AK2: variants seen among roughly 807,000 people sequenced by gnomAD.
AK2 encodes the protein adenylate kinase 2.
In AK2, 15 loss-of-function variants were observed where a neutral mutation model predicts 24.6. That is an observed-to-expected ratio of 0.61 (90% confidence interval 0.41 to 0.94). AK2 has a LOEUF of 0.94. Ranked by LOEUF, AK2 falls within the 40% of genes least tolerant of loss-of-function variation. The pLI is 0.00. For synonymous variants in AK2, 102 were observed against 114.0 expected, an observed-to-expected ratio of 0.90 and a Z score of 0.67; for missense variants, 257 against 304.1, an observed-to-expected ratio of 0.85 and a Z score of 1.15.
Position 33,010,869 on chromosome 1 carries a change from G to T in AK2, c.*2312C>A, listed in dbSNP as rs1304176672. The T allele has an allele frequency of 2.5e-6, 4 of 1,613,320 alleles. No homozygotes were observed. In the African/African-American group the frequency reaches 5.4e-5, roughly 22 times the overall value. On this transcript the variant is annotated 3_prime_UTR_variant, in exon 6 of 6. Transcript: ENST00000672715. The stretch of plus-strand genomic sequence containing the variant: ...GAGGAAACAAGAGAGAACAAAATGG[G>T]TTTTTAAAAACCAAGTACATATCAG...
intron 1 of AK2, among the ~76,000 whole-genome samples, chr1:33,029,848 T>G (rs115748984): frequency 0.017 from 2,530 of 152,320 alleles, 62 homozygotes; most frequent in African/African-American, 0.058. Flanking sequence ...CTGGCACAAT[T>G]ACCTTTGTGC....
At chr1:33,021,516 C>T in intron 3 of AK2, 55 bp from the exon 4 acceptor site, 2 of 1,605,274 alleles carry the variant, frequency 1.2e-6, no homozygotes, top group Middle Eastern at 1.7e-4. Flanking sequence ...AGACCCATCT[C>T]CTTCAAAGGA....
In AK2 at chr1:33,008,706, G is replaced by C. The variant is rs1638624985; in HGVS notation, c.*4475C>G. 4.4e-6 allele frequency: 2 copies of C among 454,116 alleles called. No individual in the cohort carries two copies. The highest frequency in any genetic ancestry group is 6.9e-4 in the Middle Eastern group (1 of 1,444). 28.1% of individuals were successfully genotyped at this position (454,116 alleles called of 1,614,324 possible). Reference sequence around the variant, plus strand: ...TCCTCACCTATAAAAGTGAAGGACAGTTCTGACTCCACAGGGTGCTGTGTG... The same window carrying C: ...TCCTCACCTATAAAAGTGAAGGACACTTCTGACTCCACAGGGTGCTGTGTG... On this transcript the variant is annotated 3_prime_UTR_variant, in exon 6 of 6. Coordinates refer to ENST00000672715, the MANE Select transcript of AK2 (RefSeq NM_001625.4).
At chr1:33,029,813 G>C (rs1044310532) in intron 1 of AK2, among the ~76,000 whole-genome samples, 1 of 152,148 alleles carries the variant, frequency 6.6e-6, no homozygotes, top group African/African-American at 2.4e-5. Flanking sequence ...GGAGTAGTTG[G>C]GACTATGGGC....
At chr1:33,021,299 C>G in intron 4 of AK2, 68 bp downstream of exon 4, 1 of 1,381,136 alleles carries the variant, frequency 7.2e-7, no homozygotes, top group Non-Finnish European at 1.0e-6. Flanking sequence ...CGGGATTAGG[C>G]AAGAGCAATT....
At chr1:33,028,003 T>C (rs1640006770) in intron 1 of AK2, among the ~76,000 whole-genome samples, 1 of 152,130 alleles carries the variant, frequency 6.6e-6, no homozygotes, top group Admixed American at 6.5e-5. Context: ...TGAGGATAAA[T>C]GAAATAAAGT....
Position 33,036,750 on chromosome 1 carries a change from C to G in AK2, c.79G>C (p.Gly27Arg), listed in dbSNP as rs1310763684. The G allele has an allele frequency of 1.3e-6, 2 of 1,592,060 alleles. No homozygotes were observed. The highest frequency in any genetic ancestry group is 3.5e-5 in the Admixed American group (2 of 57,270). Residue 27 changes from glycine to arginine, a missense_variant, in exon 1 of 6, where the codon GGT (glycine) becomes CGT (arginine). Transcript: ENST00000672715. ...CTGCCGCTCACCTGGGTCCCTTTAC[C>G]GGCCCCGGGAGGCCCCAGCAGCACG... ...RAVLLGPPGA[G>R]KGTQAPRLAE...
At chr1:33,031,932 T>C (rs1640260075) in intron 1 of AK2, 1 of 267,450 alleles carries the variant, frequency 3.7e-6, no homozygotes, top group Non-Finnish European at 7.6e-6. Flanking sequence ...CCAGGTATTA[T>C]AGATGTTTTA....
At chr1:33,018,389 C>T (rs1300528334) in intron 4 of AK2, among the ~76,000 whole-genome samples, 3 of 152,094 alleles carry the variant, frequency 2.0e-5, no homozygotes, top group Non-Finnish European at 2.9e-5. Flanking sequence ...CTGTGACCAA[C>T]CTGGGCAACA....
intron 1 of AK2, among the ~76,000 whole-genome samples, chr1:33,035,000 C>G (rs372805170): frequency 7.9e-5 from 12 of 152,060 alleles, no homozygotes; most frequent in African/African-American, 2.9e-4. Context: ...CCAACCTGGG[C>G]AACAGAGTGA....
rs1468884923 is a variant in AK2 at position 33,021,708 on chromosome 1, A to G, written c.220-5T>C. ...CACTACCATTTCATCACTCACCTGG[A>G]AGTTAGGAACAAAATAGCCTTGGGT... On this transcript the variant is annotated splice_region_variant and splice_polypyrimidine_tract_variant and intron_variant, in intron 2 of 5. Transcript: ENST00000672715. 1.9e-6 allele frequency: 3 copies of G among 1,607,360 alleles called. No individual in the cohort carries two copies. The highest frequency in any genetic ancestry group is 2.6e-6 in the Non-Finnish European group (3 of 1,173,828).
intron 1 of AK2, among the ~76,000 whole-genome samples, chr1:33,027,284 T>C (rs920870308): frequency 6.6e-6 from 1 of 152,072 alleles, no homozygotes; most frequent in African/African-American, 2.4e-5. Flanking sequence ...AATTTGGAGG[T>C]CAGGCTTGCT....
intron 1 of AK2, among the ~76,000 whole-genome samples, chr1:33,028,316 C>T (rs971542646): frequency 5.3e-5 from 8 of 152,032 alleles, no homozygotes; most frequent in Admixed American, 1.3e-4. Flanking sequence ...CCAGCATGAC[C>T]AACATGGAGA....
chr1:33,034,479 CACACACACAT>C (rs1176667254), intron 1 of AK2, among the ~76,000 whole-genome samples: 1 of 150,772 alleles, frequency 6.6e-6, no homozygotes, highest in African/African-American at 2.5e-5. Context: ...CACACACACA[CACACACACAT>C]ATATCATAAT....
Position 33,009,688 on chromosome 1 carries a change from A to T in AK2, c.*3493T>A, listed in dbSNP as rs1328152892. ...TTTGTCCTAGGTCCCCTGAACTCCAAGCACAGTGCTATCTCCACTAGACCA... is the reference window on the plus strand; with the variant it reads ...TTTGTCCTAGGTCCCCTGAACTCCATGCACAGTGCTATCTCCACTAGACCA... On this transcript the variant is annotated 3_prime_UTR_variant, in exon 6 of 6. Coordinates refer to ENST00000672715, the MANE Select transcript of AK2 (RefSeq NM_001625.4). 2.2e-6 allele frequency: 1 copy of T among 453,990 alleles called. No individual in the cohort carries two copies. The highest frequency in any genetic ancestry group is 2.0e-5 in the African/African-American group (1 of 49,996). The allele number at this position is 453,990 out of a possible 1,614,324, so 28.1% of individuals were successfully genotyped here.
intron 4 of AK2, among the ~76,000 whole-genome samples, chr1:33,018,969 A>G (rs1315869356): frequency 6.6e-6 from 1 of 152,194 alleles, no homozygotes; most frequent in Non-Finnish European, 1.5e-5. Flanking sequence ...AGATCTCCCC[A>G]GTAAAGCTCT....
At chr1:33,023,401 TACA>T (rs71909186) in intron 2 of AK2, among the ~76,000 whole-genome samples, 32,420 of 149,716 alleles carry the variant, frequency 0.22, 4,278 homozygotes, top group Admixed American at 0.35. Flanking sequence ...ACTCCATCTC[TACA>T]ACAACAACAA....
rs887826881 is a variant in AK2 at position 33,009,987 on chromosome 1, C to T, written c.*3194G>A. The T allele has an allele frequency of 2.4e-5, 11 of 454,512 alleles. No homozygotes were observed. The Admixed American group carries it at 2.6e-4, about 11-fold the overall frequency. 28.2% of individuals were successfully genotyped at this position (454,512 alleles called of 1,614,324 possible). A position where few individuals can be genotyped will look rare whatever the true frequency, so the allele number is the denominator to read the frequency against. The stretch of plus-strand genomic sequence containing the variant: ...GCAGCATTTGGTCAGTTAAGAAAGG[C>T]ACCTCATTGAAAATAATACATCACA... On this transcript the variant is annotated 3_prime_UTR_variant, in exon 6 of 6. Transcript: ENST00000672715.
chr1:33,025,118 G>C (rs1639794486), intron 1 of AK2, among the ~76,000 whole-genome samples: 2 of 150,078 alleles, frequency 1.3e-5, no homozygotes, highest in African/African-American at 2.5e-5. Context: ...CTGGTAGGCA[G>C]AGGCTGCAGT....
Sources: gnomAD v4.1 joint callset for allele counts (sites outside exome capture counted in the v4.1 genomes callset) on GRCh38, gnomAD v4.1.1 for gene constraint, MANE v1.5 for transcripts, NCBI Gene and HGNC (gene_info 2026-07-23, HGNC 2026-07-21) for gene names.